Variants in CAMKMT observed in about 807,000 individuals in gnomAD.
The protein encoded by CAMKMT is calmodulin-lysine N-methyltransferase.
Under a neutral mutation model 48.0 loss-of-function variants are expected in CAMKMT, and 53 were observed. The observed-to-expected ratio is 1.10, with a 90% CI of 0.89 to 1.39. The LOEUF is 1.39. Ranked by LOEUF, CAMKMT falls within the 40% of genes most tolerant of loss-of-function variation. The pLI is 0.00. For missense variants in CAMKMT, 428 were observed against 402.7 expected (o/e 1.06, Z -0.54); for synonymous variants, 165 against 152.3 (o/e 1.08, Z -0.61).
At chr2:44,534,636 T>G (rs1666667168) in intron 3 of CAMKMT, among the ~76,000 whole-genome samples, 1 of 152,054 alleles carries the variant, frequency 6.6e-6, no homozygotes. Flanking sequence ...GAATGACCAT[T>G]GACTAAATGA....
chr2:44,446,908 A>G (rs924500358), intron 3 of CAMKMT, among the ~76,000 whole-genome samples: 1 of 152,166 alleles, frequency 6.6e-6, no homozygotes. Context: ...ACATGTTATG[A>G]TTTACATTTG....
intron 3 of CAMKMT, chr2:44,456,598 A>C: frequency 2.6e-6 from 4 of 1,549,794 alleles, no homozygotes; most frequent in Non-Finnish European, 3.5e-6. Context: ...TGAAGATATC[A>C]CCATCAGTAG....
chr2:44,518,913 A>G (rs1670964374), intron 3 of CAMKMT, among the ~76,000 whole-genome samples: 1 of 152,244 alleles, frequency 6.6e-6, no homozygotes, highest in African/African-American at 2.4e-5. Flanking sequence ...GATAGGCTCC[A>G]GCTTTTGGAG....
intron 3 of CAMKMT, among the ~76,000 whole-genome samples, chr2:44,420,523 T>C (rs752307127): frequency 2.6e-5 from 4 of 152,066 alleles, no homozygotes; most frequent in Non-Finnish European, 5.9e-5. Context: ...TCCATGTATA[T>C]GTGGACCTGT....
intron 3 of CAMKMT, among the ~76,000 whole-genome samples, chr2:44,670,858 G>T (rs191170029): frequency 2.0e-5 from 3 of 151,928 alleles, no homozygotes; most frequent in Non-Finnish European, 1.5e-5. Context: ...AACATCTTTC[G>T]CCAATCCTCT....
At chr2:44,659,755 A>G (rs923444529) in intron 3 of CAMKMT, among the ~76,000 whole-genome samples, 2 of 152,144 alleles carry the variant, frequency 1.3e-5, no homozygotes, top group African/African-American at 4.8e-5. Flanking sequence ...TACTTGGGGA[A>G]ATATGACAAT....
At chr2:44,407,852 TAGTC>T (rs1356709561) in intron 3 of CAMKMT, among the ~76,000 whole-genome samples, 1 of 152,098 alleles carries the variant, frequency 6.6e-6, no homozygotes, top group Non-Finnish European at 1.5e-5. Context: ...TTCATTCAGT[TAGTC>T]AGTCATTGTC....
chr2:44,416,168 A>G (rs978309068), intron 3 of CAMKMT, among the ~76,000 whole-genome samples: 1 of 152,208 alleles, frequency 6.6e-6, no homozygotes, highest in African/African-American at 2.4e-5. Context: ...ATGTTAATGG[A>G]TATGTTTTGG....
In CAMKMT at chr2:44,759,129, A is replaced by AT. The variant is rs200826340; in HGVS notation, c.762+5017dup. 1.5e-3 allele frequency among the ~76,000 whole-genome samples: 224 copies of AT among 152,306 alleles called. 3 individuals carry two copies. Among genetic ancestry groups the AT allele is most frequent in the Middle Eastern group, 6.8e-3 (2 of 294 alleles). ...CATAAACTCTCATATTATAAAAGCA[A>AT]TTTTTTGGGGGGGAGGACAGGGTCT... is the stretch of plus-strand genomic sequence containing the variant. On this transcript the variant is annotated intron_variant, in intron 9 of 10. Transcript: ENST00000378494.
At chr2:44,589,904 A>AAAAAAAAAAAAAAAAAAC (rs1670154040) in intron 3 of CAMKMT, among the ~76,000 whole-genome samples, 1 of 84,028 alleles carries the variant, frequency 1.2e-5, no homozygotes, top group Admixed American at 1.4e-4. Flanking sequence ...AAGAAAAAAA[A>AAAAAAAAAAAAAAAAAAC]AAAAGAACGA....
chr2:44,528,376 C>G (rs1666284838), intron 3 of CAMKMT, among the ~76,000 whole-genome samples: 1 of 152,018 alleles, frequency 6.6e-6, no homozygotes, highest in Non-Finnish European at 1.5e-5. Flanking sequence ...AAATAGTTAT[C>G]CATTCCCCAG....
intron 3 of CAMKMT, among the ~76,000 whole-genome samples, chr2:44,678,066 A>G (rs548300434): frequency 6.6e-6 from 1 of 152,204 alleles, no homozygotes; most frequent in Non-Finnish European, 1.5e-5. Flanking sequence ...AAAAAAAGGA[A>G]TTCCATGTAT....
chr2:44,452,226 G>C (rs1380034168), intron 3 of CAMKMT, among the ~76,000 whole-genome samples: 2 of 151,996 alleles, frequency 1.3e-5, no homozygotes, highest in Non-Finnish European at 2.9e-5. Flanking sequence ...GGAATAAAAT[G>C]TGGGTGTGTA....
intron 3 of CAMKMT, among the ~76,000 whole-genome samples, chr2:44,673,836 G>C (rs1299269173): frequency 6.6e-6 from 1 of 152,154 alleles, no homozygotes; most frequent in Non-Finnish European, 1.5e-5. Flanking sequence ...ATTTGGGAAA[G>C]ATTAAATACT....
chr2:44,403,307 G>A (rs563903464), intron 3 of CAMKMT, among the ~76,000 whole-genome samples: 254 of 152,194 alleles, frequency 1.7e-3, no homozygotes, highest in African/African-American at 5.9e-3. Flanking sequence ...CAATTAAAAA[G>A]TATTTTACCT....
chr2:44,634,238 C>G lies in CAMKMT; in HGVS notation c.377-70045C>G, dbSNP rs112583610. Among the ~76,000 whole-genome samples the G allele has an allele frequency of 2.0e-3, 308 of 151,972 alleles. 2 individuals are homozygous for G. Among genetic ancestry groups the G allele is most frequent in the African/African-American group, 7.1e-3 (296 of 41,452 alleles). ...AGCTCCCTCTTCTCTGGTATTGTGC[C>G]CTGAAAATTCCAGCCACCTCAGCCT... On this transcript the variant is annotated intron_variant, in intron 3 of 10. Transcript: ENST00000378494.
intron 3 of CAMKMT, among the ~76,000 whole-genome samples, chr2:44,563,467 C>CT (rs1013586248): frequency 8.6e-5 from 13 of 150,774 alleles, no homozygotes; most frequent in Non-Finnish European, 1.6e-4. Context: ...TCATTAGTTT[C>CT]TTTTTTTTTA....
chr2:44,684,223 C>G (rs889157316), intron 3 of CAMKMT, among the ~76,000 whole-genome samples: 1 of 152,178 alleles, frequency 6.6e-6, no homozygotes, highest in Admixed American at 6.5e-5. Context: ...GATGACTTCT[C>G]CGTTCTCAAC....
chr2:44,426,049 C>G (rs1304308681), intron 3 of CAMKMT, among the ~76,000 whole-genome samples: 2 of 152,088 alleles, frequency 1.3e-5, no homozygotes, highest in East Asian at 3.9e-4. Flanking sequence ...ATCTTTTAAG[C>G]AGAAAACTTA....
Sources: allele counts gnomAD v4.1 joint callset (sites outside exome capture counted in the v4.1 genomes callset), GRCh38; gene constraint gnomAD v4.1.1; transcripts MANE v1.5; gene names NCBI Gene and HGNC (gene_info 2026-07-23, HGNC 2026-07-21).